EIF4G3: variants seen among roughly 807,000 people sequenced by gnomAD.
EIF4G3 encodes eIF-4-gamma 3.
A neutral mutation model predicts 186.4 loss-of-function variants in EIF4G3; 34 were observed. The observed-to-expected ratio is 0.18, with a 90% CI of 0.14 to 0.24. EIF4G3 has a LOEUF of 0.24. Ranked by LOEUF, EIF4G3 falls within the 10% of genes least tolerant of loss-of-function variation. The pLI is 1.00. For synonymous variants in EIF4G3, 673 were observed against 679.5 expected (o/e 0.99, Z 0.15); for missense variants, 1,536 against 1,948.5 (o/e 0.79, Z 3.99).
chr1:21,023,991 A>C (rs753933085), intron 4 of EIF4G3, among the ~76,000 whole-genome samples: 6 of 116,694 alleles, frequency 5.1e-5, no homozygotes, highest in Admixed American at 8.8e-5. Context: ...CCGGCCGCCC[A>C]GTCTGAGAAG....
At chr1:21,096,661 T>C (rs6663452) in intron 2 of EIF4G3, among the ~76,000 whole-genome samples, 56,206 of 151,998 alleles carry the variant, frequency 0.37, 11,025 homozygotes, top group Non-Finnish European at 0.43. Context: ...CCTCTGGACA[T>C]AGATGGGGAT....
intron 33 of EIF4G3, among the ~76,000 whole-genome samples, chr1:20,817,841 T>C (rs959791427): frequency 3.3e-5 from 5 of 151,820 alleles, no homozygotes; most frequent in African/African-American, 1.2e-4. Context: ...CACTTGGCTA[T>C]TTTTTTGTGT....
intron 14 of EIF4G3, among the ~76,000 whole-genome samples, chr1:20,915,156 T>C (rs1323793499): frequency 3.3e-5 from 5 of 152,238 alleles, no homozygotes; most frequent in Admixed American, 3.3e-4. Flanking sequence ...ATGGGTCATA[T>C]TGTTTTCATG....
intron 33 of EIF4G3, among the ~76,000 whole-genome samples, chr1:20,821,478 T>C (rs1557781418): frequency 6.6e-6 from 1 of 152,224 alleles, no homozygotes; most frequent in East Asian, 1.9e-4. Context: ...TCTAAAACAG[T>C]TGGCTCTAAC....
rs551081774 is a variant in EIF4G3 at position 21,058,464 on chromosome 1, C to T, written c.-195-7470G>A. 3.9e-5 allele frequency among the ~76,000 whole-genome samples: 6 copies of T among 152,236 alleles called. No homozygotes were observed. The South Asian group carries it at 1.2e-3, about 32-fold the overall frequency. On this transcript the variant is annotated intron_variant, in intron 3 of 36. Coordinates refer to ENST00000602326, the MANE Select transcript of EIF4G3 (RefSeq NM_001391906.1). Reference sequence around the variant, plus strand: ...TATATTGGTATATTAAAAACACAGGCAGCCAGAGTGTGGACATGGCTCTAG... The same window carrying T: ...TATATTGGTATATTAAAAACACAGGTAGCCAGAGTGTGGACATGGCTCTAG...
chr1:21,168,351 C>T (rs1009071658), intron 2 of EIF4G3, among the ~76,000 whole-genome samples: 6 of 151,974 alleles, frequency 3.9e-5, no homozygotes, highest in Non-Finnish European at 8.8e-5. Flanking sequence ...TTGCAGTGAG[C>T]TGAGATCGTG....
chr1:21,150,536 C>G (rs2097533089), intron 2 of EIF4G3, among the ~76,000 whole-genome samples: 1 of 152,148 alleles, frequency 6.6e-6, no homozygotes. Flanking sequence ...TCCCTTGATT[C>G]CTGTGGAAAA....
intron 4 of EIF4G3, among the ~76,000 whole-genome samples, chr1:21,028,189 A>G (rs1015370020): frequency 1.3e-5 from 2 of 152,238 alleles, no homozygotes; most frequent in South Asian, 4.1e-4. Flanking sequence ...ACAAGATGAA[A>G]GAAAAGAGTT....
chr1:21,109,836 G>A (rs1324751431), intron 2 of EIF4G3, among the ~76,000 whole-genome samples: 1 of 152,166 alleles, frequency 6.6e-6, no homozygotes, highest in East Asian at 1.9e-4. Flanking sequence ...CCAGGCTGCA[G>A]TGCAGTGGTA....
At chr1:21,026,439 C>A (rs1242972763) in intron 4 of EIF4G3, among the ~76,000 whole-genome samples, 1 of 150,938 alleles carries the variant, frequency 6.6e-6, no homozygotes, top group Non-Finnish European at 1.5e-5. Context: ...GTAAAAAAAT[C>A]TGAGAAGAAA....
intron 14 of EIF4G3, 31 bp from the exon 15 acceptor site, chr1:20,905,002 C>T (rs1439094062): frequency 3.3e-6 from 5 of 1,521,978 alleles, no homozygotes; most frequent in East Asian, 4.5e-5. Context: ...CATTACTTGC[C>T]ACTGCAAAGT....
intron 14 of EIF4G3, among the ~76,000 whole-genome samples, chr1:20,917,868 T>C (rs1326375283): frequency 6.6e-6 from 1 of 152,330 alleles, no homozygotes; most frequent in African/African-American, 2.4e-5. Flanking sequence ...AATACGATAA[T>C]GTATGTTTAC....
chr1:21,070,519 T>C (rs2095411465), intron 3 of EIF4G3, among the ~76,000 whole-genome samples: 1 of 152,340 alleles, frequency 6.6e-6, no homozygotes, highest in South Asian at 2.1e-4. Flanking sequence ...ACATACCTAC[T>C]TCATTCTTGT....
intron 20 of EIF4G3, 131 bp from the exon 21 acceptor site, chr1:20,865,393 T>C (rs776113496): frequency 2.3e-5 from 21 of 902,260 alleles, no homozygotes; most frequent in Non-Finnish European, 3.3e-5. Flanking sequence ...GCAAACAATA[T>C]AGCTTCAGGC....
At chr1:21,147,452 T>G (rs1323200397) in intron 2 of EIF4G3, among the ~76,000 whole-genome samples, 1 of 151,682 alleles carries the variant, frequency 6.6e-6, no homozygotes, top group Non-Finnish European at 1.5e-5. Flanking sequence ...GCGATTCTCC[T>G]GCCTCAGCCT....
At chr1:21,074,534 AT>A (rs1170816081) in intron 3 of EIF4G3, among the ~76,000 whole-genome samples, 3 of 152,288 alleles carry the variant, frequency 2.0e-5, no homozygotes, top group South Asian at 2.1e-4. Context: ...GGAGAAAAAA[AT>A]AATAATAATT....
At chr1:20,991,642 A>G (rs1386236621) in intron 7 of EIF4G3, among the ~76,000 whole-genome samples, 3 of 152,204 alleles carry the variant, frequency 2.0e-5, no homozygotes, top group Non-Finnish European at 4.4e-5. Context: ...AGCCATGTAT[A>G]TAGCTAGTAG....
At chr1:21,086,340 C>T (rs977820628) in intron 3 of EIF4G3, among the ~76,000 whole-genome samples, 4 of 151,678 alleles carry the variant, frequency 2.6e-5, no homozygotes, top group African/African-American at 9.7e-5. Flanking sequence ...CATGGGACTA[C>T]AGGCACATGC....
At chr1:21,053,562 C>A (rs1341604335) in intron 3 of EIF4G3, among the ~76,000 whole-genome samples, 1 of 147,112 alleles carries the variant, frequency 6.8e-6, no homozygotes, top group Admixed American at 6.7e-5. Flanking sequence ...CAGCCCCCCG[C>A]CCGGCCAGCC....
Sources: gnomAD v4.1 joint callset for allele counts (sites outside exome capture counted in the v4.1 genomes callset) on GRCh38, gnomAD v4.1.1 for gene constraint, MANE v1.5 for transcripts, NCBI Gene and HGNC (gene_info 2026-07-23, HGNC 2026-07-21) for gene names.